The following MYO19 variants were observed in gnomAD, a reference collection of about 807,000 sequenced individuals.
The protein encoded by MYO19 is myosin XIX.
MYO19 carries 132 observed loss-of-function variants against 129.2 expected under a neutral mutation model. The observed-to-expected ratio is 1.02, with a 90% CI of 0.89 to 1.18. MYO19 has a LOEUF of 1.18. MYO19 is among the 50% of genes most tolerant of loss of function. The pLI is 0.00. For synonymous variants in MYO19, 531 were observed against 477.2 expected, an observed-to-expected ratio of 1.11 and a Z score of -1.47; for missense variants, 1,210 against 1,216.7, an observed-to-expected ratio of 0.99 and a Z score of 0.08.
At chr17:36,537,203 G>A, upstream of MYO19, 1 of 1,614,136 alleles carries the variant, frequency 6.2e-7, no homozygotes, top group East Asian at 2.2e-5. Flanking sequence ...TCTGTATCCT[G>A]TGCAGAGGGT....
At position 36,507,459 on chromosome 17, in the gene MYO19, G is replaced by A; in HGVS notation, c.1407C>T (p.Asn469=). ...CCTCAATGAGATCCAAACAGGGCTG[G>A]TTGTCCTGGTAGTTGATGAATGACC... ...LEWSFINYQD[N]QPCLDLIEGS... is the part of the protein sequence containing the mutation. Residue 469 remains asparagine (N), a synonymous_variant, in exon 16 of 26, where the codon AAC becomes AAT. Coordinates refer to ENST00000614623, the MANE Select transcript of MYO19 (RefSeq NM_001163735.2). 1.2e-6 allele frequency: 2 copies of A among 1,613,726 alleles called. No homozygotes were observed. The highest frequency in any genetic ancestry group is 1.7e-6 in the Non-Finnish European group (2 of 1,179,860).
chr17:36,526,485 A>C (rs1194379264), intron 5 of MYO19, among the ~76,000 whole-genome samples: 2 of 152,134 alleles, frequency 1.3e-5, no homozygotes, highest in African/African-American at 2.4e-5. Flanking sequence ...CACCCCAAAT[A>C]ACTTATCCTT....
In MYO19 at chr17:36,498,338, G is replaced by A. The variant is rs1225858643; in HGVS notation, c.2685C>T (p.Gly895=). 6.2e-7 allele frequency: 1 copy of A among 1,614,036 alleles called. No individual in the cohort carries two copies. The highest frequency in any genetic ancestry group is 1.1e-5 in the South Asian group (1 of 91,088). ...VVWACLQLPR[G]SPSSYTVQTA... ...TCTGGACAGTGTAGCTACTGGGGCT[G>A]CCCCTGGGGAGCTGGAGGCAAGCCC... is the stretch of plus-strand genomic sequence containing the variant. Residue 895 remains glycine (G), a synonymous_variant, in exon 25 of 26, where the codon GGC becomes GGT. Coordinates refer to ENST00000614623, the MANE Select transcript of MYO19 (RefSeq NM_001163735.2).
upstream of MYO19, chr17:36,537,012 A>G (rs1051981963): frequency 1.7e-6 from 2 of 1,205,288 alleles, no homozygotes; most frequent in Middle Eastern, 2.3e-4. Context: ...ATCTAGTAAT[A>G]AGAGTAAAAT....
intron 5 of MYO19, among the ~76,000 whole-genome samples, chr17:36,526,534 T>G (rs972606873): frequency 1.5e-4 from 23 of 152,234 alleles, no homozygotes; most frequent in African/African-American, 5.3e-4. Context: ...TCAGCAGAGA[T>G]AAACATATGC....
At chr17:36,530,517 C>T (rs961767665) in intron 3 of MYO19, among the ~76,000 whole-genome samples, 1 of 138,536 alleles carries the variant, frequency 7.2e-6, no homozygotes, top group Admixed American at 8.0e-5. Flanking sequence ...AGTGCAGTGG[C>T]GCGATCTCGA....
chr17:36,537,234 T>TA, upstream of MYO19: 1 of 1,614,204 alleles, frequency 6.2e-7, no homozygotes, highest in Non-Finnish European at 8.5e-7. Context: ...TTTCTCACAG[T>TA]ACTTGTGTTC....
chr17:36,513,785 T>C, intron 9 of MYO19, 60 bp from the exon 10 acceptor site: 1 of 1,448,814 alleles, frequency 6.9e-7, no homozygotes, highest in Admixed American at 1.9e-5. Flanking sequence ...CAGGCCTGCA[T>C]AGGCAGGCAT....
At chr17:36,516,666 C>A (rs2072772859) in intron 6 of MYO19, among the ~76,000 whole-genome samples, 1 of 152,182 alleles carries the variant, frequency 6.6e-6, no homozygotes, top group African/African-American at 2.4e-5. Context: ...CGCACCTGGC[C>A]CCAAGCAGTC....
At chr17:36,544,157 A>G (rs2074220244), upstream of MYO19, among the ~76,000 whole-genome samples, 3 of 152,266 alleles carry the variant, frequency 2.0e-5, no homozygotes, top group Non-Finnish European at 4.4e-5. Context: ...ACTTCGCCCA[A>G]GGGAGTACCT....
chr17:36,507,256 C>A, intron 16 of MYO19, 117 bp from the exon 17 acceptor site: 1 of 1,466,904 alleles, frequency 6.8e-7, no homozygotes, highest in East Asian at 2.3e-5. Context: ...CATAGTGTCC[C>A]CAACAGAAAA....
chr17:36,496,280 T>TC lies in MYO19; in HGVS notation c.2883dup (p.Thr962AspfsTer31). The TC allele has an allele frequency of 6.2e-7, 1 of 1,613,884 alleles. No homozygotes were observed. ...CCCAGCCCAGTGAAGGCAGAAGAGG[T>TC]CACGTGGATCAGCCTGTGTCTTTCC... On this transcript the variant is annotated frameshift_variant, in exon 26 of 26. Transcript: ENST00000614623. LOFTEE classifies it high-confidence loss of function.
upstream of MYO19, among the ~76,000 whole-genome samples, chr17:36,536,051 G>A (rs2074111388): frequency 6.6e-6 from 1 of 152,164 alleles, no homozygotes; most frequent in Non-Finnish European, 1.5e-5. Flanking sequence ...CTAGGTTCAT[G>A]TTTAACCAAC....
intron 21 of MYO19, 152 bp downstream of exon 21, chr17:36,502,943 TTG>T: frequency 1.5e-6 from 1 of 666,632 alleles, no homozygotes; most frequent in Non-Finnish European, 2.7e-6. Flanking sequence ...TCCATGCTAT[TTG>T]TCTTTTTTGA....
chr17:36,512,648 A>C (rs929196872), intron 11 of MYO19: 2 of 1,288,880 alleles, frequency 1.6e-6, no homozygotes, highest in African/African-American at 3.0e-5. Flanking sequence ...TCCTTCTGTC[A>C]AGTTCTTACC....
At chr17:36,511,621 C>T (rs1055029746) in intron 11 of MYO19, among the ~76,000 whole-genome samples, 166 bp from the exon 12 acceptor site, 8 of 152,196 alleles carry the variant, frequency 5.3e-5, no homozygotes, top group South Asian at 2.1e-4. Context: ...TTACATGCAT[C>T]GCCTCATTGC....
In MYO19 at chr17:36,512,196, AACACACACAC is replaced by A. The variant is rs57765074; in HGVS notation, c.895-751_895-742del. On this transcript the variant is annotated intron_variant, in intron 11 of 25. Coordinates refer to ENST00000614623, the MANE Select transcript of MYO19 (RefSeq NM_001163735.2). Reference sequence around the variant, plus strand: ...TGAACCTCCATCTCTACTAAAAATAAACACACACACACACACACACACACACACACACACA... The same window carrying A: ...TGAACCTCCATCTCTACTAAAAATAAACACACACACACACACACACACACA... Among the ~76,000 whole-genome samples, 826 of 138,136 alleles carry A rather than the reference AACACACACAC, an allele frequency of 6.0e-3. 5 individuals carry two copies. Among genetic ancestry groups the A allele is most frequent in the Middle Eastern group, 0.018 (5 of 274 alleles). The allele number at this position is 138,136 out of a possible 152,430, so 90.6% of individuals were successfully genotyped here.
intron 17 of MYO19, 72 bp from the exon 18 acceptor site, chr17:36,506,680 AAGCCGCAGATGAC>A: frequency 6.8e-7 from 1 of 1,479,784 alleles, no homozygotes; most frequent in Non-Finnish European, 9.0e-7. Flanking sequence ...CTGCCCACCC[AAGCCGCAGATGAC>A]GGGGCTTCCA....
chr17:36,503,370 G>A (rs2071665610), intron 20 of MYO19, among the ~76,000 whole-genome samples, 170 bp from the exon 21 acceptor site: 1 of 152,182 alleles, frequency 6.6e-6, no homozygotes, highest in Non-Finnish European at 1.5e-5. Flanking sequence ...CGATTTCTAG[G>A]ATCACTTAGT....
Sources: allele counts gnomAD v4.1 joint callset (sites outside exome capture counted in the v4.1 genomes callset), GRCh38; gene constraint gnomAD v4.1.1; transcripts MANE v1.5; gene names NCBI Gene and HGNC (gene_info 2026-07-23, HGNC 2026-07-21).